FHOD3: variants seen among roughly 807,000 people sequenced by gnomAD.
FHOD3 encodes the protein formin homology 2 domain containing 3, also known as FH1/FH2 domain-containing protein 3.
FHOD3 carries 90 observed loss-of-function variants against 173.0 expected under a neutral mutation model. The observed-to-expected ratio is 0.52, with a 90% confidence interval of 0.44 to 0.62. The LOEUF (loss-of-function observed/expected upper bound fraction) is 0.62. Ranked by LOEUF, FHOD3 falls within the 20% of genes least tolerant of loss-of-function variation. The pLI is 0.00. For synonymous variants in FHOD3, 828 were observed against 823.0 expected (o/e 1.01, Z -0.10); for missense variants, 1,945 against 2,034.7 (o/e 0.96, Z 0.85).
At chr18:36,461,032 C>T (rs1378434347) in intron 3 of FHOD3, among the ~76,000 whole-genome samples, 1 of 152,086 alleles carries the variant, frequency 6.6e-6, no homozygotes, top group African/African-American at 2.4e-5. Flanking sequence ...GAGAGTGGAG[C>T]ACAGGATGAG....
intron 1 of FHOD3, among the ~76,000 whole-genome samples, chr18:36,343,180 T>G (rs1436522268): frequency 6.6e-6 from 1 of 152,228 alleles, no homozygotes; most frequent in East Asian, 1.9e-4. Context: ...TGAAAGCATA[T>G]GTCTACATAA....
At chr18:36,437,685 GAC>G (rs2050891091) in intron 3 of FHOD3, among the ~76,000 whole-genome samples, 1 of 39,154 alleles carries the variant, frequency 2.6e-5, no homozygotes, top group Non-Finnish European at 6.4e-5. Flanking sequence ...TTTTTTTTAA[GAC>G]AGAGTCTTGC....
intron 1 of FHOD3, among the ~76,000 whole-genome samples, chr18:36,340,058 G>A (rs1263236886): frequency 6.6e-6 from 1 of 152,108 alleles, no homozygotes; most frequent in Non-Finnish European, 1.5e-5. Flanking sequence ...AACACTGAAA[G>A]TCTTTCATAT....
intron 3 of FHOD3, among the ~76,000 whole-genome samples, chr18:36,417,787 G>C (rs757615913): frequency 3.3e-5 from 5 of 152,162 alleles, no homozygotes; most frequent in Non-Finnish European, 5.9e-5. Context: ...CCCCTCCCCA[G>C]ATATTTGAAA....
chr18:36,501,450 T>C (rs77995790), intron 3 of FHOD3, among the ~76,000 whole-genome samples: 18,427 of 152,114 alleles, frequency 0.12, 1,874 homozygotes, highest in East Asian at 0.59. Flanking sequence ...AGCATGGGGG[T>C]GCAGGGCCTG....
At chr18:36,454,255 T>C (rs898581991) in intron 3 of FHOD3, among the ~76,000 whole-genome samples, 1 of 151,292 alleles carries the variant, frequency 6.6e-6, no homozygotes, top group African/African-American at 2.4e-5. Context: ...TGGGAGGGCA[T>C]ACACAGGGGC....
At chr18:36,633,631 C>T (rs1423614440) in intron 10 of FHOD3, among the ~76,000 whole-genome samples, 1 of 152,174 alleles carries the variant, frequency 6.6e-6, no homozygotes, top group Non-Finnish European at 1.5e-5. Context: ...TGGGTTGGGA[C>T]CCAGGCAGTC....
chr18:36,454,624 C>G (rs964806736), intron 3 of FHOD3, among the ~76,000 whole-genome samples: 1 of 151,752 alleles, frequency 6.6e-6, no homozygotes, highest in Admixed American at 6.6e-5. Context: ...ATTTTTTTCT[C>G]AGTTTGTTTG....
In FHOD3 at chr18:36,625,581, G is replaced by A; in HGVS notation, c.1028G>A (p.Arg343Lys). Residue 343 changes from arginine to lysine, a missense_variant, in exon 10 of 29, where the codon AGG becomes AAG. Coordinates refer to ENST00000590592, the MANE Select transcript of FHOD3 (RefSeq NM_001281740.3). ...PPPSGCRDRR[R>K]ASVCSSGGGE... ...CCCAGTGGGTGCCGGGACCGGAGGA[G>A]GGCCAGCGTGTGTTCCAGTGGCGGA... 1.3e-6 allele frequency: 2 copies of A among 1,560,040 alleles called. No homozygotes were observed. The highest frequency in any genetic ancestry group is 1.4e-5 in the African/African-American group (1 of 73,062).
chr18:36,367,946 A>G (rs1272220384), intron 2 of FHOD3, among the ~76,000 whole-genome samples: 1 of 152,054 alleles, frequency 6.6e-6, no homozygotes, highest in African/African-American at 2.4e-5. Flanking sequence ...CACCTTGTGA[A>G]GAAGGTGCTG....
At chr18:36,620,145 T>C (rs2033586707) in intron 9 of FHOD3, among the ~76,000 whole-genome samples, 2 of 152,202 alleles carry the variant, frequency 1.3e-5, no homozygotes, top group Non-Finnish European at 1.5e-5. Context: ...ATTCCTTCCA[T>C]TGGTACAAGG....
intron 9 of FHOD3, 81 bp downstream of exon 9, chr18:36,612,176 G>A (rs1055596169): frequency 9.7e-6 from 14 of 1,450,506 alleles, no homozygotes; most frequent in East Asian, 2.3e-5. Flanking sequence ...TTTAGACCAC[G>A]CGTAAAGCGT....
chr18:36,490,141 G>A (rs1197255357), intron 3 of FHOD3, among the ~76,000 whole-genome samples: 3 of 152,192 alleles, frequency 2.0e-5, no homozygotes, highest in African/African-American at 7.2e-5. Context: ...CTCCGCAGAG[G>A]GAGGTCTCTG....
intron 17 of FHOD3, among the ~76,000 whole-genome samples, chr18:36,706,042 G>A (rs2039861555): frequency 6.6e-6 from 1 of 151,812 alleles, no homozygotes; most frequent in Admixed American, 6.6e-5. Context: ...TAATGGGAAA[G>A]GGGAGGAGAA....
chr18:36,390,441 G>A (rs73949462), intron 3 of FHOD3, among the ~76,000 whole-genome samples: 2 of 152,160 alleles, frequency 1.3e-5, no homozygotes, highest in Non-Finnish European at 2.9e-5. Flanking sequence ...CAGATGCCTC[G>A]TTGGTGCCTG....
At chr18:36,723,757 T>G (rs2040911211) in intron 19 of FHOD3, among the ~76,000 whole-genome samples, 1 of 152,220 alleles carries the variant, frequency 6.6e-6, no homozygotes, top group Non-Finnish European at 1.5e-5. Flanking sequence ...CAGCCCAGTG[T>G]CTATTATCAA....
chr18:36,426,008 C>T (rs2050222823), intron 3 of FHOD3, among the ~76,000 whole-genome samples: 1 of 151,756 alleles, frequency 6.6e-6, no homozygotes, highest in Non-Finnish European at 1.5e-5. Context: ...TCATGCCATT[C>T]CTCTGCCTCA....
At chr18:36,499,125 A>G (rs1300137511) in intron 3 of FHOD3, among the ~76,000 whole-genome samples, 1 of 147,914 alleles carries the variant, frequency 6.8e-6, no homozygotes, top group Non-Finnish European at 1.5e-5. Context: ...TTTGTTTGAG[A>G]CAGGTTCTTG....
intron 1 of FHOD3, among the ~76,000 whole-genome samples, chr18:36,312,189 C>T (rs747214733): frequency 5.9e-5 from 9 of 152,144 alleles, no homozygotes; most frequent in Non-Finnish European, 1.2e-4. Flanking sequence ...TCTGATGGTC[C>T]CCTTTGAGGA....
Sources: gnomAD v4.1 joint callset for allele counts (sites outside exome capture counted in the v4.1 genomes callset) on GRCh38, gnomAD v4.1.1 for gene constraint, MANE v1.5 for transcripts, NCBI Gene and HGNC (gene_info 2026-07-23, HGNC 2026-07-21) for gene names.